Variants in IGSF21 observed in about 807,000 individuals in gnomAD.
IGSF21 encodes the protein immunoglobulin superfamily member 21.
In IGSF21, 28 loss-of-function variants were observed where a neutral mutation model predicts 46.8. That is an observed-to-expected ratio of 0.60 (90% confidence interval 0.44 to 0.82). The LOEUF is 0.82. Ranked by LOEUF, IGSF21 falls within the 40% of genes least tolerant of loss-of-function variation. The pLI, the probability that IGSF21 is intolerant of heterozygous loss-of-function variation, is 0.00. For missense variants in IGSF21, 624 were observed against 665.5 expected (o/e 0.94, Z 0.69); for synonymous variants, 284 against 273.6 (o/e 1.04, Z -0.38).
chr1:18,237,368 C>A (rs1369275720), intron 2 of IGSF21, among the ~76,000 whole-genome samples: 3 of 152,128 alleles, frequency 2.0e-5, no homozygotes, highest in African/African-American at 7.2e-5. Context: ...TCGAGGGGAG[C>A]GCTTCCCGTC....
At chr1:18,220,230 G>C (rs1408342430) in intron 1 of IGSF21, among the ~76,000 whole-genome samples, 1 of 152,172 alleles carries the variant, frequency 6.6e-6, no homozygotes, top group Non-Finnish European at 1.5e-5. Flanking sequence ...TCCTGAGTGA[G>C]AGAACCTGAT....
chr1:18,115,919 G>A (rs1277772892), intron 1 of IGSF21: 1 of 145,132 alleles, frequency 6.9e-6, no homozygotes, highest in African/African-American at 2.5e-5. Context: ...GGGAGGGAGG[G>A]AGGGAGGGAG....
At chr1:18,313,574 T>TGCTAACACC (rs2085511997) in intron 3 of IGSF21, among the ~76,000 whole-genome samples, 2 of 152,184 alleles carry the variant, frequency 1.3e-5, no homozygotes, top group Non-Finnish European at 2.9e-5. Flanking sequence ...TGGTGATGAT[T>TGCTAACACC]ATGTGCTAAC....
At chr1:18,265,306 C>T (rs1215336530) in intron 2 of IGSF21, among the ~76,000 whole-genome samples, 4 of 152,052 alleles carry the variant, frequency 2.6e-5, no homozygotes, top group Non-Finnish European at 5.9e-5. Context: ...TTGAACAAGC[C>T]CCATATCACC....
chr1:18,297,112 GC>G (rs533998717), intron 3 of IGSF21, among the ~76,000 whole-genome samples: 2 of 151,870 alleles, frequency 1.3e-5, no homozygotes, highest in Admixed American at 6.6e-5. Context: ...GAGTCTGCCC[GC>G]CCCCCCACTA....
Position 18,291,908 on chromosome 1 carries a change from G to T in IGSF21, c.226G>T (p.Asp76Tyr). Residue 76 changes from aspartate to tyrosine, a missense_variant, in exon 3 of 10, where the codon GAC (aspartate) becomes TAC (tyrosine). Coordinates refer to ENST00000251296, the MANE Select transcript of IGSF21 (RefSeq NM_032880.5). ...CATCAAGCAAAAGATCTTCACCTTC[G>T]ACGCCATGTTCTCCACCAACTACTC... ...GTIKQKIFTF[D>Y]AMFSTNYSHM... The T allele has an allele frequency of 6.2e-7, 1 of 1,614,022 alleles. No individual in the cohort carries two copies. Among genetic ancestry groups the T allele is most frequent in the Non-Finnish European group, 8.5e-7 (1 of 1,180,004 alleles).
chr1:18,269,000 T>C (rs2085017125), intron 2 of IGSF21, among the ~76,000 whole-genome samples: 1 of 152,252 alleles, frequency 6.6e-6, no homozygotes, highest in Admixed American at 6.5e-5. Flanking sequence ...ATCTCTTTCC[T>C]GAGCTGGTCG....
chr1:18,155,380 A>T (rs1028247909), intron 1 of IGSF21, among the ~76,000 whole-genome samples: 8 of 152,112 alleles, frequency 5.3e-5, no homozygotes, highest in Admixed American at 5.2e-4. Flanking sequence ...GCATCTGTAA[A>T]ATGGGGATAA....
At chr1:18,353,449 C>A (rs1028884415) in intron 4 of IGSF21, among the ~76,000 whole-genome samples, 1 of 152,170 alleles carries the variant, frequency 6.6e-6, no homozygotes, top group African/African-American at 2.4e-5. Context: ...CTCTTGGGTG[C>A]GGCCGCAGGT....
intron 1 of IGSF21, among the ~76,000 whole-genome samples, chr1:18,166,487 T>C (rs1468081955): frequency 6.6e-6 from 1 of 152,158 alleles, no homozygotes; most frequent in Non-Finnish European, 1.5e-5. Flanking sequence ...TGAGTCTCTT[T>C]TCTATAAACG....
intron 1 of IGSF21, among the ~76,000 whole-genome samples, chr1:18,146,193 A>G (rs543447127): frequency 6.6e-6 from 1 of 152,326 alleles, no homozygotes; most frequent in African/African-American, 2.4e-5. Context: ...CCCACTCTCC[A>G]TTAGTTTCCG....
At chr1:18,172,964 A>G (rs1273536005) in intron 1 of IGSF21, among the ~76,000 whole-genome samples, 1 of 152,158 alleles carries the variant, frequency 6.6e-6, no homozygotes, top group Admixed American at 6.5e-5. Flanking sequence ...TCTGGGAAAG[A>G]TAATTAATAT....
intron 1 of IGSF21, among the ~76,000 whole-genome samples, chr1:18,138,823 C>T (rs2086389450): frequency 6.6e-6 from 1 of 152,236 alleles, no homozygotes; most frequent in Non-Finnish European, 1.5e-5. Flanking sequence ...CGCTAAGGCC[C>T]TTCCCTGAAT....
chr1:18,215,883 C>T (rs1040781709), intron 1 of IGSF21, among the ~76,000 whole-genome samples: 3 of 152,086 alleles, frequency 2.0e-5, no homozygotes, highest in African/African-American at 7.2e-5. Flanking sequence ...CTCACAAATC[C>T]CCGTAAGGTA....
intron 1 of IGSF21, chr1:18,166,859 A>G (rs2086683427): frequency 6.5e-6 from 1 of 153,006 alleles, no homozygotes; most frequent in Non-Finnish European, 1.5e-5. Flanking sequence ...GGGGTGTGGG[A>G]GAGGGCATTG....
intron 1 of IGSF21, among the ~76,000 whole-genome samples, chr1:18,222,443 G>T (rs1353268426): frequency 1.3e-5 from 2 of 152,186 alleles, no homozygotes; most frequent in South Asian, 2.1e-4. Flanking sequence ...GGGAGTGCAG[G>T]CAAGGGAAGG....
At chr1:18,310,784 A>T (rs1437083789) in intron 3 of IGSF21, among the ~76,000 whole-genome samples, 1 of 152,156 alleles carries the variant, frequency 6.6e-6, no homozygotes, top group Non-Finnish European at 1.5e-5. Context: ...CTTCCTCTGA[A>T]AGCTCCAAGG....
intron 1 of IGSF21, among the ~76,000 whole-genome samples, chr1:18,122,082 C>T (rs770158851): frequency 3.3e-5 from 5 of 152,106 alleles, no homozygotes; most frequent in Non-Finnish European, 5.9e-5. Flanking sequence ...CTGGTCTGAG[C>T]CTGGACACAC....
chr1:18,199,282 C>T (rs1040351729), intron 1 of IGSF21, among the ~76,000 whole-genome samples: 2 of 151,972 alleles, frequency 1.3e-5, no homozygotes, highest in Admixed American at 6.6e-5. Context: ...TTCAGTGTTT[C>T]GACCTCTCCC....
Sources: allele counts gnomAD v4.1 joint callset (sites outside exome capture counted in the v4.1 genomes callset), GRCh38; gene constraint gnomAD v4.1.1; transcripts MANE v1.5; gene names NCBI Gene and HGNC (gene_info 2026-07-23, HGNC 2026-07-21).